Variants in RETREG1 observed in about 807,000 individuals in gnomAD.
RETREG1 encodes reticulophagy regulator 1.
In RETREG1, 44 loss-of-function variants were observed where a neutral mutation model predicts 54.8. That is an observed-to-expected ratio of 0.80 (90% CI 0.63 to 1.03). The LOEUF is 1.03. Ranked by LOEUF, RETREG1 falls within the 50% of genes least tolerant of loss-of-function variation. RETREG1 has a pLI of 0.00. For synonymous variants in RETREG1, 217 were observed against 238.5 expected (o/e 0.91, Z 0.83); for missense variants, 554 against 605.1 (o/e 0.92, Z 0.89).
At chr5:16,492,246 C>CAT (rs1241773155) in intron 3 of RETREG1, among the ~76,000 whole-genome samples, 6 of 151,882 alleles carry the variant, frequency 4.0e-5, no homozygotes, top group Non-Finnish European at 8.8e-5. Context: ...CACACACACA[C>CAT]ACACACCATT....
chr5:16,603,872 T>G (rs2126363922), intron 1 of RETREG1, among the ~76,000 whole-genome samples: 1 of 128,650 alleles, frequency 7.8e-6, no homozygotes, highest in East Asian at 2.8e-4. Context: ...CCCGCCACCC[T>G]GGGTCAAAAG....
At chr5:16,485,604 A>T (rs1006678116) in intron 3 of RETREG1, among the ~76,000 whole-genome samples, 2 of 152,232 alleles carry the variant, frequency 1.3e-5, no homozygotes, top group Non-Finnish European at 2.9e-5. Context: ...CTGCTTAAGT[A>T]AATGTCCCCA....
rs371518551 is a variant in RETREG1, at chr5:16,544,368, T to C, written c.458+21395A>G. Among the ~76,000 whole-genome samples, 22 of 152,350 alleles carry C rather than the reference T, an allele frequency of 1.4e-4. No homozygotes were observed. The East Asian group carries it at 3.9e-3, about 27-fold the overall frequency. ...CAAATATTTTCTCCCAATCTATGCC[T>C]TGACTTTTCATTCCCTTAGCTATGT... On this transcript the variant is annotated intron_variant, in intron 3 of 8. Coordinates refer to ENST00000306320, the MANE Select transcript of RETREG1 (RefSeq NM_001034850.3).
intron 3 of RETREG1, among the ~76,000 whole-genome samples, chr5:16,499,977 C>T (rs532854442): frequency 1.3e-5 from 2 of 152,172 alleles, no homozygotes; most frequent in Admixed American, 6.5e-5. Flanking sequence ...ATGGTATTTA[C>T]CCAGCAGATA....
chr5:16,556,839 A>C (rs1394566028), intron 3 of RETREG1, among the ~76,000 whole-genome samples: 1 of 151,796 alleles, frequency 6.6e-6, no homozygotes, highest in Non-Finnish European at 1.5e-5. Context: ...GTTTCATTTT[A>C]TTTTTTTTGA....
chr5:16,606,569 C>T (rs1249213192), intron 1 of RETREG1, among the ~76,000 whole-genome samples: 1 of 152,198 alleles, frequency 6.6e-6, no homozygotes, highest in Non-Finnish European at 1.5e-5. Context: ...GCCGCAACCT[C>T]AGCCACCCTT....
chr5:16,613,723 T>C (rs531754684), intron 1 of RETREG1, among the ~76,000 whole-genome samples: 1 of 152,370 alleles, frequency 6.6e-6, no homozygotes, highest in African/African-American at 2.4e-5. Context: ...AAGACAGATT[T>C]GGTTGGGTTC....
At chr5:16,541,872 A>G (rs1741263893) in intron 3 of RETREG1, among the ~76,000 whole-genome samples, 1 of 152,176 alleles carries the variant, frequency 6.6e-6, no homozygotes, top group Non-Finnish European at 1.5e-5. Flanking sequence ...TAATCTCTAC[A>G]TCTATGGTTG....
intron 3 of RETREG1, among the ~76,000 whole-genome samples, chr5:16,504,031 T>C (rs1277680061): frequency 6.6e-6 from 1 of 152,218 alleles, no homozygotes; most frequent in Non-Finnish European, 1.5e-5. Context: ...ATGCATTAGT[T>C]ATTTTTCCTA....
intron 3 of RETREG1, among the ~76,000 whole-genome samples, chr5:16,529,655 C>T (rs1024980799): frequency 6.6e-6 from 1 of 151,628 alleles, no homozygotes; most frequent in Non-Finnish European, 1.5e-5. Context: ...GGTGACTTTG[C>T]GTCACTGTTC....
intron 1 of RETREG1, among the ~76,000 whole-genome samples, chr5:16,580,683 A>G (rs747888591): frequency 6.6e-6 from 1 of 152,044 alleles, no homozygotes; most frequent in Admixed American, 6.5e-5. Context: ...CATGAGGGGG[A>G]GTGTGGTCAA....
intron 3 of RETREG1, among the ~76,000 whole-genome samples, chr5:16,494,058 G>T (rs965084054): frequency 6.6e-6 from 1 of 152,182 alleles, no homozygotes; most frequent in Non-Finnish European, 1.5e-5. Flanking sequence ...TTTAAAGAGT[G>T]TATCTCTCAT....
intron 3 of RETREG1, among the ~76,000 whole-genome samples, chr5:16,540,331 T>A (rs756081114): frequency 5.3e-5 from 8 of 152,248 alleles, no homozygotes; most frequent in Non-Finnish European, 7.3e-5. Flanking sequence ...TTGAGCAGAA[T>A]CATTGATCAA....
intron 1 of RETREG1, among the ~76,000 whole-genome samples, chr5:16,602,768 G>A (rs900029569): frequency 6.6e-6 from 1 of 152,172 alleles, no homozygotes; most frequent in Non-Finnish European, 1.5e-5. Context: ...AGCACTTTGG[G>A]AGGCCAAGGT....
At chr5:16,608,765 C>T (rs890824) in intron 1 of RETREG1, among the ~76,000 whole-genome samples, 24,193 of 152,062 alleles carry the variant, frequency 0.16, 2,001 homozygotes, top group East Asian at 0.29. Flanking sequence ...AAAGATAAGG[C>T]GAGGAACTTG....
intron 3 of RETREG1, among the ~76,000 whole-genome samples, chr5:16,563,649 A>G (rs560375100): frequency 6.6e-6 from 1 of 152,276 alleles, no homozygotes; most frequent in South Asian, 2.1e-4. Context: ...TCATATTATT[A>G]ATTCCTAAAT....
At position 16,573,735 on chromosome 5, in the gene RETREG1, G is replaced by GTTTTTTTTT. The variant is rs3993826; in HGVS notation, c.321-1634_321-1633insAAAAAAAAA. Among the ~76,000 whole-genome samples the GTTTTTTTTT allele has an allele frequency of 1.5e-3, 189 of 122,168 alleles. 24 individuals carry two copies. The highest frequency in any genetic ancestry group is 2.3e-3 in the Non-Finnish European group (132 of 58,252). 80.1% of individuals were successfully genotyped at this position (122,168 alleles called of 152,430 possible). A position where few individuals can be genotyped will look rare whatever the true frequency, so the allele number is the denominator to read the frequency against. On this transcript the variant is annotated intron_variant, in intron 1 of 8. Transcript: ENST00000306320. ...TTTAATTGGTTTTTTGGGTTTGTTT[G>GTTTTTTTTT]TTTTTTGTTTTTTTTTTTTTTTTTT...
At chr5:16,595,949 C>T (rs1742886136) in intron 1 of RETREG1, among the ~76,000 whole-genome samples, 1 of 152,190 alleles carries the variant, frequency 6.6e-6, no homozygotes, top group East Asian at 1.9e-4. Flanking sequence ...GTGATTCTCA[C>T]ACTAGGGAAC....
At chr5:16,599,879 C>T (rs576358545) in intron 1 of RETREG1, among the ~76,000 whole-genome samples, 1 of 152,274 alleles carries the variant, frequency 6.6e-6, no homozygotes, top group Admixed American at 6.5e-5. Flanking sequence ...AAGCAAGCTC[C>T]AGGGTGATAA....
Sources: gnomAD v4.1 joint callset for allele counts (sites outside exome capture counted in the v4.1 genomes callset) on GRCh38, gnomAD v4.1.1 for gene constraint, MANE v1.5 for transcripts, NCBI Gene and HGNC (gene_info 2026-07-23, HGNC 2026-07-21) for gene names.